ZFYVE1: variants seen among roughly 807,000 people sequenced by gnomAD.
The protein encoded by ZFYVE1 is zinc finger FYVE domain-containing protein 1.
ZFYVE1 carries 30 observed loss-of-function variants against 74.4 expected under a neutral mutation model. That is an observed-to-expected ratio of 0.40 (90% CI 0.30 to 0.55). The LOEUF (loss-of-function observed/expected upper bound fraction) is 0.55, where lower values mean the gene tolerates loss of function less well. ZFYVE1 is among the 20% of genes least tolerant of loss of function. The pLI is 0.42. For missense variants in ZFYVE1, 703 were observed against 1,011.6 expected (o/e 0.69, Z 4.14); for synonymous variants, 335 against 385.1 (o/e 0.87, Z 1.52).
rs1050076416 is a variant in ZFYVE1, at chr14:72,975,111, G to A, written c.1807-152C>T. ...AGAGCTTTCTAGTAACGCGTTATCT[G>A]AGAATGGAAAGGAAGCCTGGTGGAC... On this transcript the variant is annotated intron_variant, in intron 9 of 11. Transcript: ENST00000556143. This position sits in a 1 kb window ranked among gnomAD's most constrained non-coding sequence, Gnocchi z 4.1. 5 of 793,294 alleles carry A rather than the reference G, an allele frequency of 6.3e-6. No homozygotes were observed. The African/African-American group carries it at 8.7e-5, about 14-fold the overall frequency. 49.1% of individuals were successfully genotyped at this position (793,294 alleles called of 1,614,324 possible). A position where few individuals can be genotyped will look rare whatever the true frequency, so the allele number is the denominator to read the frequency against.
chr14:73,016,572 A>T lies in ZFYVE1; in HGVS notation c.483+7454T>A, dbSNP rs187953367. On this transcript the variant is annotated intron_variant, in intron 2 of 11. Transcript: ENST00000556143. ...CCTTTGGTTTTCCTAGTACAGTTCC[A>T]CCGAGGCCTAGAAAAATCAATGAAT... 9.4e-4 allele frequency among the ~76,000 whole-genome samples: 142 copies of T among 151,826 alleles called. 1 individual carries two copies. The highest frequency in any genetic ancestry group is 2.9e-3 in the East Asian group (15 of 5,106).
intron 2 of ZFYVE1, among the ~76,000 whole-genome samples, chr14:73,007,840 T>C (rs1894010880): frequency 6.6e-6 from 1 of 152,248 alleles, no homozygotes; most frequent in Non-Finnish European, 1.5e-5. Context: ...CTTTTCATTC[T>C]ATCCTAAAGG....
At chr14:72,991,913 T>C (rs994161488) in intron 4 of ZFYVE1, among the ~76,000 whole-genome samples, 1 of 148,040 alleles carries the variant, frequency 6.8e-6, no homozygotes, top group Non-Finnish European at 1.5e-5. Flanking sequence ...ATCTCCCTCT[T>C]TTTTTTTTTT....
chr14:72,973,394 T>C (rs1378248287), intron 11 of ZFYVE1, among the ~76,000 whole-genome samples: 1 of 151,720 alleles, frequency 6.6e-6, no homozygotes, highest in East Asian at 1.9e-4. Flanking sequence ...GAGGCTGAGG[T>C]AGGAGAATTG....
chr14:72,980,528 AATTAATTAATTTATTTATTT>A (rs1266660816), intron 5 of ZFYVE1, among the ~76,000 whole-genome samples: 42 of 103,114 alleles, frequency 4.1e-4, no homozygotes, highest in African/African-American at 1.6e-3. Flanking sequence ...ATCACCTGAG[AATTAATTAATTTATTTATTT>A]ATTTATTTAT....
chr14:72,978,082 G>A, intron 7 of ZFYVE1, 38 bp from the exon 8 acceptor site: 18 of 1,613,068 alleles, frequency 1.1e-5, no homozygotes, highest in Non-Finnish European at 1.5e-5. Flanking sequence ...ACCCAGCCAG[G>A]TGCCTGGGGA....
intron 2 of ZFYVE1, among the ~76,000 whole-genome samples, chr14:73,016,249 C>T (rs1189255158): frequency 1.3e-5 from 2 of 152,218 alleles, no homozygotes; most frequent in Non-Finnish European, 1.5e-5. Flanking sequence ...ACGGTGTTCA[C>T]GCCTGTAATC....
At chr14:73,003,900 C>T (rs558866665) in intron 2 of ZFYVE1, among the ~76,000 whole-genome samples, 2 of 152,222 alleles carry the variant, frequency 1.3e-5, no homozygotes, top group Admixed American at 6.5e-5. Context: ...CTCAGGACAC[C>T]GCCTGGCACA....
At chr14:72,997,133 G>T (rs779474241) in intron 3 of ZFYVE1, among the ~76,000 whole-genome samples, 19 of 152,056 alleles carry the variant, frequency 1.2e-4, no homozygotes, top group Admixed American at 1.1e-3. Flanking sequence ...TCCTAAGGCC[G>T]ACCCTTCCAC....
Position 72,975,870 on chromosome 14 carries a change from C to T in ZFYVE1, c.1636-149G>A, listed in dbSNP as rs543377748. 1.2e-6 allele frequency: 1 copy of T among 849,020 alleles called. No homozygotes were observed. Among genetic ancestry groups the T allele is most frequent in the Non-Finnish European group, 1.8e-6 (1 of 554,094 alleles). 52.6% of individuals were successfully genotyped at this position (849,020 alleles called of 1,614,324 possible). On this transcript the variant is annotated intron_variant, in intron 8 of 11. Transcript: ENST00000556143. The surrounding 1 kb of genome is among the most constrained non-coding windows in gnomAD (Gnocchi z 4.1). Reference sequence around the variant, plus strand: ...GAAGAACGGAGACACACCAGGAATCCCTCTGGCTTTATTCTCTTCAAAGTG... The same window carrying T: ...GAAGAACGGAGACACACCAGGAATCTCTCTGGCTTTATTCTCTTCAAAGTG...
intron 4 of ZFYVE1, among the ~76,000 whole-genome samples, chr14:72,982,896 T>C (rs1594836274): frequency 2.6e-5 from 4 of 151,766 alleles, no homozygotes; most frequent in Admixed American, 2.6e-4. Context: ...CAGGCTGGAG[T>C]GCACTGGCAC....
At chr14:73,010,045 G>A (rs1894056071) in intron 2 of ZFYVE1, among the ~76,000 whole-genome samples, 1 of 152,146 alleles carries the variant, frequency 6.6e-6, no homozygotes, top group African/African-American at 2.4e-5. Context: ...TGGTGCCACT[G>A]CACTCCAGCC....
rs979107746 is a variant in ZFYVE1, at chr14:72,975,899, A to G, written c.1636-178T>C. 4 of 671,044 alleles carry G rather than the reference A, an allele frequency of 6.0e-6. No homozygotes were observed. In the African/African-American group the frequency reaches 7.3e-5, roughly 12 times the overall value. The allele number at this position is 671,044 out of a possible 1,614,324, so 41.6% of individuals were successfully genotyped here. The stretch of plus-strand genomic sequence containing the variant: ...TGGCTTTATTCTCTTCAAAGTGACC[A>G]TAAGACTTGATGTGTAGCTGTTCAA... On this transcript the variant is annotated intron_variant, in intron 8 of 11. Transcript: ENST00000556143. This position sits in a 1 kb window ranked among gnomAD's most constrained non-coding sequence, Gnocchi z 4.1.
chr14:73,015,475 T>C (rs981725200), intron 2 of ZFYVE1, among the ~76,000 whole-genome samples: 2 of 150,902 alleles, frequency 1.3e-5, no homozygotes, highest in African/African-American at 4.9e-5. Flanking sequence ...AGAGGAAACC[T>C]CCACCCCCTG....
chr14:73,003,415 T>C (rs1815798485), intron 2 of ZFYVE1, among the ~76,000 whole-genome samples: 2 of 152,260 alleles, frequency 1.3e-5, no homozygotes, highest in South Asian at 4.1e-4. Context: ...GAAAATATGA[T>C]AAACCTTTGT....
intron 2 of ZFYVE1, among the ~76,000 whole-genome samples, chr14:73,015,073 A>G (rs568948989): frequency 5.9e-5 from 9 of 151,726 alleles, no homozygotes; most frequent in Non-Finnish European, 1.0e-4. Flanking sequence ...TCTACTAAAA[A>G]TACAAAAATC....
chr14:72,997,212 A>G (rs1893769059), intron 3 of ZFYVE1, among the ~76,000 whole-genome samples: 1 of 152,156 alleles, frequency 6.6e-6, no homozygotes, highest in Non-Finnish European at 1.5e-5. Flanking sequence ...AATCATTCTC[A>G]TCAGTACATA....
chr14:72,975,427 A>AGAGCTCAACC lies in ZFYVE1; in HGVS notation c.1806+123_1806+124insGGTTGAGCTC. On this transcript the variant is annotated intron_variant, in intron 9 of 11. Coordinates refer to ENST00000556143, the MANE Select transcript of ZFYVE1 (RefSeq NM_021260.4). The surrounding 1 kb of genome is among the most constrained non-coding windows in gnomAD (Gnocchi z 4.1). ...GACTCCTCCCCTTGCCGGTACTCAC[A>AGAGCTCAACC]GAGCTCACTGCACTGGCAGAAAATG... 8.0e-7 allele frequency: 1 copy of AGAGCTCAACC among 1,243,958 alleles called. No homozygotes were observed. Among genetic ancestry groups the AGAGCTCAACC allele is most frequent in the Non-Finnish European group, 1.1e-6 (1 of 901,290 alleles). 77.1% of individuals were successfully genotyped at this position (1,243,958 alleles called of 1,614,324 possible). A position where few individuals can be genotyped will look rare whatever the true frequency, so the allele number is the denominator to read the frequency against.
At chr14:73,021,345 C>T (rs929880362) in intron 2 of ZFYVE1, among the ~76,000 whole-genome samples, 2 of 125,722 alleles carry the variant, frequency 1.6e-5, no homozygotes, top group African/African-American at 6.0e-5. Flanking sequence ...GAGACTCTGT[C>T]TCAAAATAAA....
Sources: allele counts gnomAD v4.1 joint callset (sites outside exome capture counted in the v4.1 genomes callset), GRCh38; gene constraint gnomAD v4.1.1; non-coding constraint Gnocchi (gnomAD v3.1); transcripts MANE v1.5; gene names NCBI Gene and HGNC (gene_info 2026-07-23, HGNC 2026-07-21).